The following MBTPS2 variants were observed in gnomAD, a reference collection of about 807,000 sequenced individuals.
The protein encoded by MBTPS2 is membrane-bound transcription factor site-2 protease.
MBTPS2 carries 2 observed loss-of-function variants against 35.4 expected under a neutral mutation model. The observed-to-expected ratio is 0.06, with a 90% CI of 0.02 to 0.18. MBTPS2 has a LOEUF of 0.18. MBTPS2 is among the 10% of genes least tolerant of loss of function. The pLI is 1.00. For synonymous variants in MBTPS2, 125 were observed against 140.4 expected (o/e 0.89, Z 0.77); for missense variants, 244 against 386.5 (o/e 0.63, Z 3.09).
intron 3 of MBTPS2, among the ~76,000 whole-genome samples, chrX:21,848,480 T>A (rs1238891862): frequency 9.1e-6 from 1 of 109,613 alleles, no homozygotes; most frequent in Non-Finnish European, 1.9e-5. Context: ...CTGGCTAACA[T>A]GGTGAAACCC....
Position 21,851,667 on chromosome X carries a change from A to T in MBTPS2, c.542+55A>T, listed in dbSNP as rs2092914884. 4 of 824,735 alleles carry T rather than the reference A, an allele frequency of 4.9e-6. No homozygotes were observed. The South Asian group carries it at 8.1e-5, about 17-fold the overall frequency. The allele number at this position is 824,735 out of a possible 1,213,427, so 68.0% of individuals were successfully genotyped here. A position where few individuals can be genotyped will look rare whatever the true frequency, so the allele number is the denominator to read the frequency against. ...ACATGCAAAAAAAAGCTTTTCATTT[A>T]GGAGGATTTATTACTAAAATCTGCT... On this transcript the variant is annotated intron_variant, in intron 4 of 10. Transcript: ENST00000379484.
At chrX:21,841,401 G>A (rs993273772) in intron 1 of MBTPS2, among the ~76,000 whole-genome samples, 14 of 111,344 alleles carry the variant, frequency 1.3e-4, no homozygotes, top group Admixed American at 5.7e-4. Context: ...TGGCCTGGGT[G>A]ACAGAGCAAG....
chrX:21,880,843 C>A, intron 9 of MBTPS2, 54 bp from the exon 10 acceptor site: 1 of 826,384 alleles, frequency 1.2e-6, no homozygotes, highest in Non-Finnish European at 1.8e-6. Context: ...ATTCATAATG[C>A]TGTTGATTCT....
At chrX:21,841,819 T>C (rs1410409639) in intron 1 of MBTPS2, 1 of 112,277 alleles carries the variant, frequency 8.9e-6, no homozygotes, top group East Asian at 2.8e-4. Context: ...AGTATCTGCC[T>C]GGGAAATGGA....
At chrX:21,865,981 G>A (rs1357175425) in intron 5 of MBTPS2, among the ~76,000 whole-genome samples, 2 of 110,362 alleles carry the variant, frequency 1.8e-5, no homozygotes, top group African/African-American at 3.3e-5. Context: ...TTGTTTTTTT[G>A]TTTCTTTGAG....
intron 9 of MBTPS2, among the ~76,000 whole-genome samples, chrX:21,880,520 C>T (rs907333946): frequency 9.0e-6 from 1 of 110,532 alleles, no homozygotes. Flanking sequence ...TTTAAATCCC[C>T]TCATCTTAAT....
chrX:21,851,691 C>A (rs1300592251), intron 4 of MBTPS2, 79 bp downstream of exon 4: 3 of 671,313 alleles, frequency 4.5e-6, no homozygotes, highest in East Asian at 6.4e-5. Context: ...CTAAAATCTG[C>A]TATATTTGAT....
At chrX:21,869,039 T>G (rs921613516) in intron 6 of MBTPS2, among the ~76,000 whole-genome samples, 1 of 112,605 alleles carries the variant, frequency 8.9e-6, no homozygotes, top group African/African-American at 3.2e-5. Context: ...CATCAAATCT[T>G]GTATTCAGAC....
chrX:21,850,037 A>C (rs2092913179), intron 3 of MBTPS2, among the ~76,000 whole-genome samples: 1 of 107,328 alleles, frequency 9.3e-6, no homozygotes, highest in African/African-American at 3.4e-5. Context: ...AAAAAAAAAA[A>C]AAAAAAAAAA....
chrX:21,852,106 T>C (rs1602140126), intron 4 of MBTPS2, among the ~76,000 whole-genome samples: 1 of 112,164 alleles, frequency 8.9e-6, no homozygotes, highest in African/African-American at 3.2e-5. Flanking sequence ...AAGTGGAAGA[T>C]AAGAAGACAC....
rs923742262 is a variant in MBTPS2, at chrX:21,883,287, G to C, written c.*632G>C. ...AACAGGAAGTAGGGCCTATGATATC[G>C]TGAGACATGTTTTGCCCCACAAGAG... On this transcript the variant is annotated 3_prime_UTR_variant, in exon 11 of 11. Transcript: ENST00000379484. 1 of 754,698 alleles carries C rather than the reference G, an allele frequency of 1.3e-6. No homozygotes were observed. Among genetic ancestry groups the C allele is most frequent in the African/African-American group, 2.3e-5 (1 of 43,188 alleles). The allele number at this position is 754,698 out of a possible 1,213,427, so 62.2% of individuals were successfully genotyped here.
intron 5 of MBTPS2, 57 bp downstream of exon 5, chrX:21,853,560 T>G (rs886137880): frequency 9.0e-7 from 1 of 1,107,580 alleles, no homozygotes; most frequent in African/African-American, 1.8e-5. Flanking sequence ...TGATTTTCTA[T>G]GGTTAGTGCT....
chrX:21,862,952 AT>A (rs2092934503), intron 5 of MBTPS2, among the ~76,000 whole-genome samples: 4 of 64,053 alleles, frequency 6.2e-5, no homozygotes, highest in African/African-American at 1.9e-4. Flanking sequence ...ATATATATAT[AT>A]ATATATATAT....
intron 5 of MBTPS2, among the ~76,000 whole-genome samples, chrX:21,860,091 CAAAA>C (rs536679485): frequency 1.6e-5 from 1 of 63,102 alleles, no homozygotes; most frequent in Non-Finnish European, 3.1e-5. Flanking sequence ...GACCTTGTGT[CAAAA>C]AAAAAAAAAA....
chrX:21,870,363 G>T (rs1793648172), intron 7 of MBTPS2: 1 of 111,255 alleles, frequency 9.0e-6, no homozygotes, highest in South Asian at 3.7e-4. Flanking sequence ...TTGAAAAAGG[G>T]AATATAAGTA....
Position 21,858,837 on chromosome X carries a change from C to A in MBTPS2, c.670+5334C>A, listed in dbSNP as rs1363228235. On this transcript the variant is annotated intron_variant, in intron 5 of 10. Coordinates refer to ENST00000379484, the MANE Select transcript of MBTPS2 (RefSeq NM_015884.4). ...TGGGGAAGTCGAGGCTGCGGTGAGCCGTGATCGAGCCACTGCACTCCAGCC... is the reference window on the plus strand; with the variant it reads ...TGGGGAAGTCGAGGCTGCGGTGAGCAGTGATCGAGCCACTGCACTCCAGCC... The A allele has an allele frequency of 5.0e-5, 5 of 100,789 alleles. 1 individual carries two copies. The highest frequency in any genetic ancestry group is 1.8e-4 in the African/African-American group (5 of 27,094). 8.3% of individuals were successfully genotyped at this position (100,789 alleles called of 1,213,427 possible). A position where few individuals can be genotyped will look rare whatever the true frequency, so the allele number is the denominator to read the frequency against.
At chrX:21,857,241 A>G (rs2092924359) in intron 5 of MBTPS2, 6 of 1,210,216 alleles carry the variant, frequency 5.0e-6, no homozygotes, top group African/African-American at 1.7e-5. Flanking sequence ...ACCTCCCAAA[A>G]CAGTCCCTTG....
intron 5 of MBTPS2, among the ~76,000 whole-genome samples, chrX:21,866,659 G>A (rs1335145598): frequency 9.0e-6 from 1 of 111,656 alleles, no homozygotes; most frequent in African/African-American, 3.3e-5. Context: ...GTAAACAGAT[G>A]TCGTGTTCCT....
rs1394104478 is a variant in MBTPS2 at position 21,856,688 on chromosome X, C to G, written c.670+3185C>G. 4 of 1,210,139 alleles carry G rather than the reference C, an allele frequency of 3.3e-6. No individual in the cohort carries two copies. The highest frequency in any genetic ancestry group is 4.5e-6 in the Non-Finnish European group (4 of 895,347). On this transcript the variant is annotated intron_variant, in intron 5 of 10. Transcript: ENST00000379484. Reference sequence around the variant, plus strand: ...TGGTGTTGCAGCCGCTCTTCACGAACACGGGCTATGGCGACCACGACCAGG... The same window carrying G: ...TGGTGTTGCAGCCGCTCTTCACGAAGACGGGCTATGGCGACCACGACCAGG...
Sources: allele counts gnomAD v4.1 joint callset (sites outside exome capture counted in the v4.1 genomes callset), GRCh38; gene constraint gnomAD v4.1.1; transcripts MANE v1.5; gene names NCBI Gene and HGNC (gene_info 2026-07-23, HGNC 2026-07-21).